Variants in HLCS observed in about 807,000 individuals in gnomAD.
HLCS encodes biotin--protein ligase.
In HLCS, 53 loss-of-function variants were observed where a neutral mutation model predicts 75.0. That is an observed-to-expected ratio of 0.71 (90% CI 0.57 to 0.89). The LOEUF (loss-of-function observed/expected upper bound fraction) is 0.89. Ranked by LOEUF, HLCS falls within the 40% of genes least tolerant of loss-of-function variation. The pLI, the probability that HLCS is intolerant of heterozygous loss-of-function variation, is 0.00. For missense variants in HLCS, 966 were observed against 1,074.0 expected, an observed-to-expected ratio of 0.90 and a Z score of 1.41; for synonymous variants, 431 against 428.6, an observed-to-expected ratio of 1.01 and a Z score of -0.07.
chr21:36,782,709 C>T lies in HLCS; in HGVS notation c.1893-15424G>A, dbSNP rs552059574. On this transcript the variant is annotated intron_variant, in intron 6 of 10. Transcript: ENST00000674895. ...ACAGGCCAGGTGCAGTGGCTCATGC[C>T]TGTAATCCCAGCACTTTTGGAGGCC... is the stretch of plus-strand genomic sequence containing the variant. Among the ~76,000 whole-genome samples, 55 of 152,304 alleles carry T rather than the reference C, an allele frequency of 3.6e-4. 1 individual carries two copies. Among genetic ancestry groups the T allele is most frequent in the African/African-American group, 1.3e-3 (54 of 41,556 alleles).
chr21:36,965,639 G>A (rs575468872), intron 1 of HLCS, among the ~76,000 whole-genome samples: 10 of 152,276 alleles, frequency 6.6e-5, no homozygotes, highest in Non-Finnish European at 1.2e-4. Flanking sequence ...GCAACCAACT[G>A]ACAGAAGATG....
intron 6 of HLCS, among the ~76,000 whole-genome samples, chr21:36,776,325 C>A (rs1463209362): frequency 6.6e-6 from 1 of 152,102 alleles, no homozygotes; most frequent in East Asian, 1.9e-4. Context: ...TTCCTATATG[C>A]GTCTGTGTAG....
intron 8 of HLCS, among the ~76,000 whole-genome samples, chr21:36,760,868 G>A (rs2089811949): frequency 6.6e-6 from 1 of 152,240 alleles, no homozygotes; most frequent in South Asian, 2.1e-4. Flanking sequence ...CTGAAGTTGG[G>A]ACACAGAGAC....
intron 9 of HLCS, 150 bp from the exon 10 acceptor site, chr21:36,756,905 G>A: frequency 6.6e-7 from 1 of 1,509,080 alleles, no homozygotes; most frequent in Non-Finnish European, 8.8e-7. Flanking sequence ...CTTGAAGAGT[G>A]ACATGTATTT....
At chr21:36,973,123 G>A (rs4817839) in intron 1 of HLCS, among the ~76,000 whole-genome samples, 62,016 of 151,504 alleles carry the variant, frequency 0.41, 13,413 homozygotes, top group South Asian at 0.53. Context: ...ACAGCTTCTC[G>A]GGAGGCTGAG....
chr21:36,780,507 C>A (rs780440262), intron 6 of HLCS, among the ~76,000 whole-genome samples: 1 of 152,118 alleles, frequency 6.6e-6, no homozygotes. Context: ...CATAAGCCAC[C>A]GCACCCGGCT....
At chr21:36,967,087 C>G (rs1199246574), upstream of HLCS, among the ~76,000 whole-genome samples, 1 of 151,954 alleles carries the variant, frequency 6.6e-6, no homozygotes, top group Non-Finnish European at 1.5e-5. Context: ...CAAGTCCGGC[C>G]TCCCTTCCTT....
intron 6 of HLCS, among the ~76,000 whole-genome samples, chr21:36,845,919 T>C (rs2062782323): frequency 6.6e-6 from 1 of 152,142 alleles, no homozygotes; most frequent in Admixed American, 6.5e-5. Flanking sequence ...GCTCTCTTTA[T>C]ATAGAGAAAA....
chr21:36,862,767 C>CCTA (rs1452879627), intron 6 of HLCS, among the ~76,000 whole-genome samples: 2 of 152,028 alleles, frequency 1.3e-5, no homozygotes, highest in African/African-American at 4.8e-5. Context: ...CCTTATAGAG[C>CCTA]CTACATCACA....
intron 5 of HLCS, among the ~76,000 whole-genome samples, chr21:36,929,179 G>A (rs894090234): frequency 6.6e-6 from 1 of 152,220 alleles, no homozygotes; most frequent in African/African-American, 2.4e-5. Context: ...GGTCAAGTCC[G>A]AAGACCAGCA....
Position 36,899,580 on chromosome 21 carries a change from C to T in HLCS, c.1621-2449G>A, listed in dbSNP as rs148114456. ...CGGAGGTTGCAGTGAGCCGAGATCACGCCATCACACTCCAGCCTGGAGACA... is the reference window on the plus strand; with the variant it reads ...CGGAGGTTGCAGTGAGCCGAGATCATGCCATCACACTCCAGCCTGGAGACA... On this transcript the variant is annotated intron_variant, in intron 5 of 10. Coordinates refer to ENST00000674895, the MANE Select transcript of HLCS (RefSeq NM_001352514.2). Among the ~76,000 whole-genome samples, 1,441 of 152,238 alleles carry T rather than the reference C, an allele frequency of 9.5e-3. 26 individuals carry two copies. Among genetic ancestry groups the T allele is most frequent in the African/African-American group, 0.033 (1,353 of 41,534 alleles).
intron 1 of HLCS, among the ~76,000 whole-genome samples, chr21:36,984,214 C>A (rs1268816750): frequency 3.6e-5 from 1 of 28,108 alleles, no homozygotes; most frequent in African/African-American, 7.1e-5. Flanking sequence ...GTAGAGTAGT[C>A]CCCCCTTATC....
rs994563754 is a variant in HLCS at position 36,889,614 on chromosome 21, T to C, written c.1892+7246A>G. On this transcript the variant is annotated intron_variant, in intron 6 of 10. Transcript: ENST00000674895. Reference sequence around the variant, plus strand: ...GTGACAATGGATTTGCAGTGGCTGGTCCACACCCACTTCCCTAGACCCCAT... The same window carrying C: ...GTGACAATGGATTTGCAGTGGCTGGCCCACACCCACTTCCCTAGACCCCAT... 2.0e-5 allele frequency among the ~76,000 whole-genome samples: 3 copies of C among 152,138 alleles called. No individual in the cohort carries two copies. In the South Asian group the frequency reaches 6.2e-4, roughly 32 times the overall value.
chr21:36,940,010 C>A (rs1024032947), intron 2 of HLCS, among the ~76,000 whole-genome samples: 2 of 152,124 alleles, frequency 1.3e-5, no homozygotes, highest in Non-Finnish European at 2.9e-5. Flanking sequence ...GATCGTGCCA[C>A]TGCACTCCAG....
At chr21:36,958,024 G>A (rs528257607) in intron 2 of HLCS, among the ~76,000 whole-genome samples, 10 of 151,474 alleles carry the variant, frequency 6.6e-5, no homozygotes, top group African/African-American at 1.7e-4. Context: ...TCAGGAGATC[G>A]AAACCATCCT....
chr21:36,758,283 T>A (rs2089683269), intron 9 of HLCS, among the ~76,000 whole-genome samples: 1 of 151,970 alleles, frequency 6.6e-6, no homozygotes, highest in Non-Finnish European at 1.5e-5. Context: ...ATTTTTTGTA[T>A]TTTTAGTGGA....
At chr21:36,805,392 C>T (rs891076943) in intron 6 of HLCS, among the ~76,000 whole-genome samples, 9 of 152,182 alleles carry the variant, frequency 5.9e-5, no homozygotes, top group East Asian at 3.9e-4. Context: ...CACGGAGTCC[C>T]GGGCCCGGCT....
chr21:36,957,921 TGC>T (rs1415760382), intron 2 of HLCS, among the ~76,000 whole-genome samples: 2 of 138,414 alleles, frequency 1.4e-5, no homozygotes, highest in African/African-American at 5.5e-5. Context: ...TGAGCAAGAC[TGC>T]GTCTCGAAAA....
rs1374419694 is a variant in HLCS, at chr21:36,779,775, TG to T, written c.1893-12491del. On this transcript the variant is annotated intron_variant, in intron 6 of 10. Coordinates refer to ENST00000674895, the MANE Select transcript of HLCS (RefSeq NM_001352514.2). The stretch of plus-strand genomic sequence containing the variant: ...TGTCTGAAATCAGGTTAGGTTTAAC[TG>T]TACTTCTATATTACATTTTACCCCC... 2.0e-5 allele frequency among the ~76,000 whole-genome samples: 3 copies of T among 152,244 alleles called. No individual in the cohort carries two copies. In the East Asian group the frequency reaches 5.8e-4, roughly 29 times the overall value.
Sources: allele counts gnomAD v4.1 joint callset (sites outside exome capture counted in the v4.1 genomes callset), GRCh38; gene constraint gnomAD v4.1.1; transcripts MANE v1.5; gene names NCBI Gene and HGNC (gene_info 2026-07-23, HGNC 2026-07-21).